The following ZNF610 variants were observed in gnomAD, a reference collection of about 807,000 sequenced individuals.
ZNF610 encodes zinc finger protein 610, also known as zink finger protein.
ZNF610 carries 14 observed loss-of-function variants against 14.1 expected under a neutral mutation model. That is an observed-to-expected ratio of 0.99 (90% CI 0.65 to 1.55). The LOEUF (loss-of-function observed/expected upper bound fraction) is 1.55, where lower values mean the gene tolerates loss of function less well. ZNF610 is among the 40% of genes most tolerant of loss of function. The pLI is 0.00. For missense variants in ZNF610, 530 were observed against 558.0 expected, an observed-to-expected ratio of 0.95 and a Z score of 0.51; for synonymous variants, 185 against 187.6, an observed-to-expected ratio of 0.99 and a Z score of 0.11.
intron 1 of ZNF610, among the ~76,000 whole-genome samples, chr19:52,343,745 G>A (rs1248812591): frequency 6.6e-6 from 1 of 152,032 alleles, no homozygotes; most frequent in African/African-American, 2.4e-5. Flanking sequence ...GCTGGTGTTG[G>A]TCGAGGCTTC....
Position 52,366,057 on chromosome 19 carries a change from A to G in ZNF610, c.679A>G (p.Thr227Ala). ...ASLTNHQVIHTAEKPYKCTEC... is the reference protein window; with the variant it reads ...ASLTNHQVIHAAEKPYKCTEC... ...CCTTACTAACCATCAAGTAATCCAT[A>G]CTGCAGAGAAACCTTACAAATGTAC... The change falls in exon 6 of 6, where the codon ACT becomes GCT. Residue 227 changes from threonine to alanine, a missense_variant. Coordinates refer to ENST00000403906, the MANE Select transcript of ZNF610 (RefSeq NM_001161425.2). The G allele has an allele frequency of 6.2e-7, 1 of 1,614,122 alleles. No individual in the cohort carries two copies. The highest frequency in any genetic ancestry group is 8.5e-7 in the Non-Finnish European group (1 of 1,180,018).
rs556891279 is a variant in ZNF610, at chr19:52,353,574, T to C, written c.64-108T>C. ...ATTGGAATTGAAGTTTCTATGTTTT[T>C]TAATGATCTGCCATTTTTAATAGCT... On this transcript the variant is annotated intron_variant, in intron 3 of 5. Transcript: ENST00000403906. 2.4e-6 allele frequency: 3 copies of C among 1,241,084 alleles called. No homozygotes were observed. The South Asian group carries it at 4.0e-5, about 17-fold the overall frequency. 76.9% of individuals were successfully genotyped at this position (1,241,084 alleles called of 1,614,324 possible). A position where few individuals can be genotyped will look rare whatever the true frequency, so the allele number is the denominator to read the frequency against.
chr19:52,337,894 A>G (rs947741987), intron 1 of ZNF610, among the ~76,000 whole-genome samples: 1 of 152,204 alleles, frequency 6.6e-6, no homozygotes, highest in Non-Finnish European at 1.5e-5. Context: ...GACTTGCCTC[A>G]TTCGGGTGTG....
intron 5 of ZNF610, among the ~76,000 whole-genome samples, chr19:52,355,848 G>T (rs321947): frequency 6.6e-6 from 1 of 152,090 alleles, no homozygotes; most frequent in South Asian, 2.1e-4. Context: ...TGGGAAGATT[G>T]ACTGGGTGTG....
At chr19:52,347,413 GTTTAA>G (rs1446221962) in intron 1 of ZNF610, among the ~76,000 whole-genome samples, 6 of 152,152 alleles carry the variant, frequency 3.9e-5, no homozygotes, top group Non-Finnish European at 8.8e-5. Context: ...AAGTCAAAAA[GTTTAA>G]TTTAGAAGTT....
chr19:52,363,513 G>A (rs1315843410), intron 5 of ZNF610, among the ~76,000 whole-genome samples: 1 of 152,078 alleles, frequency 6.6e-6, no homozygotes, highest in African/African-American at 2.4e-5. Context: ...TTTGAATTTT[G>A]TGAATGTTTC....
Position 52,353,770 on chromosome 19 carries a change from A to G in ZNF610, c.152A>G (p.Asp51Gly). Reference sequence around the variant, plus strand: ...CCTGGACAGAGGGCTTTATACAGGGACGTGATGTTGGAGAACTACAGGAAC... The same window carrying G: ...CCTGGACAGAGGGCTTTATACAGGGGCGTGATGTTGGAGAACTACAGGAAC... ...LDPGQRALYRDVMLENYRNLV... is the reference protein window; with the variant it reads ...LDPGQRALYRGVMLENYRNLV... The change falls in exon 4 of 6, where the codon GAC (aspartate) becomes GGC (glycine). Residue 51 changes from aspartate (D) to glycine (G), a missense_variant. Transcript: ENST00000403906. 1 of 1,613,238 alleles carries G rather than the reference A, an allele frequency of 6.2e-7. No homozygotes were observed. The highest frequency in any genetic ancestry group is 1.1e-5 in the South Asian group (1 of 90,824).
chr19:52,361,030 G>C (rs764738174), intron 5 of ZNF610, among the ~76,000 whole-genome samples: 1 of 151,980 alleles, frequency 6.6e-6, no homozygotes, highest in Non-Finnish European at 1.5e-5. Flanking sequence ...TTCATTACTT[G>C]TTTTTGTTAG....
rs148920063 is a variant in ZNF610 at position 52,341,131 on chromosome 19, G to A, written c.-258+4625G>A. 2.0e-5 allele frequency among the ~76,000 whole-genome samples: 3 copies of A among 152,170 alleles called. No homozygotes were observed. In the East Asian group the frequency reaches 5.8e-4, roughly 29 times the overall value. On this transcript the variant is annotated intron_variant, in intron 1 of 5. Transcript: ENST00000403906. The stretch of plus-strand genomic sequence containing the variant: ...TTTACTACATTTCTCCCTGCAGTAA[G>A]TACCCCTCTTGCATGCTCTATTTAA...
chr19:52,349,471 G>A (rs1985139674), intron 3 of ZNF610, among the ~76,000 whole-genome samples: 1 of 152,010 alleles, frequency 6.6e-6, no homozygotes, highest in African/African-American at 2.4e-5. Context: ...GTCCCGTGGT[G>A]TCAGTGGTGT....
intron 5 of ZNF610, among the ~76,000 whole-genome samples, chr19:52,354,580 A>ATTTTTTTTTT (rs201439857): frequency 1.6e-5 from 2 of 123,588 alleles, no homozygotes; most frequent in Non-Finnish European, 3.4e-5. Context: ...AAGCCATACT[A>ATTTTTTTTTT]TTTTTTTTTT....
intron 1 of ZNF610, chr19:52,347,170 C>T (rs1179499788): frequency 6.6e-6 from 1 of 152,314 alleles, no homozygotes; most frequent in Non-Finnish European, 1.5e-5. Flanking sequence ...CATGTTATTG[C>T]TCCTGAGGAC....
chr19:52,352,224 G>A (rs2122226739), intron 3 of ZNF610, among the ~76,000 whole-genome samples: 1 of 151,998 alleles, frequency 6.6e-6, no homozygotes, highest in East Asian at 1.9e-4. Flanking sequence ...TGCTGAAGAA[G>A]GAAACTTGTT....
rs1285803608 is a variant in ZNF610 at position 52,336,345 on chromosome 19, G to C, written c.-419G>C. ...GGCTTCCCAGCTCCCCCGCGCTTCTGTACCCGGGATCTGAGAGTCAACACA... is the reference window on the plus strand; with the variant it reads ...GGCTTCCCAGCTCCCCCGCGCTTCTCTACCCGGGATCTGAGAGTCAACACA... On this transcript the variant is annotated 5_prime_UTR_variant, in exon 1 of 6. Coordinates refer to ENST00000403906, the MANE Select transcript of ZNF610 (RefSeq NM_001161425.2). 1 of 285,360 alleles carries C rather than the reference G, an allele frequency of 3.5e-6. No homozygotes were observed. Among genetic ancestry groups the C allele is most frequent in the Non-Finnish European group, 6.6e-6 (1 of 151,692 alleles). The allele number at this position is 285,360 out of a possible 1,614,324, so 17.7% of individuals were successfully genotyped here.
intron 3 of ZNF610, among the ~76,000 whole-genome samples, chr19:52,353,029 C>G (rs1023541613): frequency 3.9e-5 from 6 of 152,072 alleles, no homozygotes; most frequent in African/African-American, 1.4e-4. Flanking sequence ...ACCTCTGCCT[C>G]CCAGGTTCAA....
chr19:52,339,156 C>G (rs983189804), intron 1 of ZNF610, among the ~76,000 whole-genome samples: 5 of 152,080 alleles, frequency 3.3e-5, no homozygotes, highest in Non-Finnish European at 4.4e-5. Flanking sequence ...ACCTCCAGCC[C>G]TAAGGCGGTT....
intron 3 of ZNF610, among the ~76,000 whole-genome samples, chr19:52,351,753 G>A (rs1985263402): frequency 6.6e-6 from 1 of 152,192 alleles, no homozygotes; most frequent in African/African-American, 2.4e-5. Flanking sequence ...TTATGCTGAT[G>A]CCTTTGTTCT....
At chr19:52,353,643 A>G (rs371486146) in intron 3 of ZNF610, 39 bp from the exon 4 acceptor site, 5 of 1,605,394 alleles carry the variant, frequency 3.1e-6, no homozygotes, top group African/African-American at 2.7e-5. Context: ...TACAATTTCT[A>G]CATTTTTAGT....
At position 52,361,554 on chromosome 19, in the gene ZNF610, C is replaced by T. The variant is rs1037161703; in HGVS notation, c.320-4144C>T. Among the ~76,000 whole-genome samples, 20 of 148,440 alleles carry T rather than the reference C, an allele frequency of 1.3e-4. No individual in the cohort carries two copies. In the East Asian group the frequency reaches 2.4e-3, roughly 18 times the overall value. ...TCTAAGTTTACTTATTTGAGGCTTA[C>T]GCTTCATTTTTGTTTTGTTGTTTAT... On this transcript the variant is annotated intron_variant, in intron 5 of 5. Coordinates refer to ENST00000403906, the MANE Select transcript of ZNF610 (RefSeq NM_001161425.2).
Sources: allele counts gnomAD v4.1 joint callset (sites outside exome capture counted in the v4.1 genomes callset), GRCh38; gene constraint gnomAD v4.1.1; transcripts MANE v1.5; gene names NCBI Gene and HGNC (gene_info 2026-07-23, HGNC 2026-07-21).